The following ANXA7 variants were observed in gnomAD, a reference collection of about 807,000 sequenced individuals.
The protein encoded by ANXA7 is annexin VII.
ANXA7 carries 55 observed loss-of-function variants against 64.9 expected under a neutral mutation model. The ratio of observed to expected loss-of-function variants is 0.85; its 90% CI spans 0.68 to 1.06. The LOEUF (loss-of-function observed/expected upper bound fraction) is 1.06, where lower values mean the gene tolerates loss of function less well. Ranked by LOEUF, ANXA7 falls within the 50% of genes least tolerant of loss-of-function variation. ANXA7 has a pLI of 0.00. For synonymous variants in ANXA7, 200 were observed against 192.4 expected, an observed-to-expected ratio of 1.04 and a Z score of -0.33; for missense variants, 548 against 582.1, an observed-to-expected ratio of 0.94 and a Z score of 0.60.
At chr10:73,384,169 A>G (rs2055325201) in intron 7 of ANXA7, among the ~76,000 whole-genome samples, 1 of 152,106 alleles carries the variant, frequency 6.6e-6, no homozygotes, top group South Asian at 2.1e-4. Flanking sequence ...AATAAATTTA[A>G]AGTCTGTTAC....
chr10:73,402,216 T>A (rs1488620224), intron 1 of ANXA7, among the ~76,000 whole-genome samples: 1 of 152,126 alleles, frequency 6.6e-6, no homozygotes, highest in Non-Finnish European at 1.5e-5. Flanking sequence ...TGAGACAAGG[T>A]CTTGCTCTGT....
chr10:73,398,998 A>T (rs188420922), intron 2 of ANXA7, among the ~76,000 whole-genome samples: 3 of 152,164 alleles, frequency 2.0e-5, no homozygotes, highest in Non-Finnish European at 4.4e-5. Flanking sequence ...ACATGAATGA[A>T]TATCAGTAAA....
chr10:73,390,785 A>T lies in ANXA7; in HGVS notation c.436-2371T>A, dbSNP rs1362682894. ...ATTTCATATTTCATCTGTAGGGAAA[A>T]ATTTTTTTGATGTATTCTCTGCCGA... On this transcript the variant is annotated intron_variant, in intron 5 of 12. Coordinates refer to ENST00000372921, the MANE Select transcript of ANXA7 (RefSeq NM_001156.5). 2.7e-5 allele frequency among the ~76,000 whole-genome samples: 4 copies of T among 149,852 alleles called. No individual in the cohort carries two copies. The East Asian group carries it at 7.8e-4, about 29-fold the overall frequency.
At chr10:73,407,330 G>A (rs2055773294) in intron 1 of ANXA7, among the ~76,000 whole-genome samples, 1 of 152,148 alleles carries the variant, frequency 6.6e-6, no homozygotes, top group African/African-American at 2.4e-5. Context: ...GCCTGCCTCA[G>A]CCTCCCAAAG....
At chr10:73,382,401 G>C (rs2132656103) in intron 9 of ANXA7, among the ~76,000 whole-genome samples, 1 of 151,944 alleles carries the variant, frequency 6.6e-6, no homozygotes, top group Middle Eastern at 3.4e-3. Flanking sequence ...GGAATGCAGT[G>C]GTGCGATCAC....
chr10:73,389,975 G>A (rs956285317), intron 5 of ANXA7, among the ~76,000 whole-genome samples: 1 of 152,152 alleles, frequency 6.6e-6, no homozygotes, highest in Non-Finnish European at 1.5e-5. Flanking sequence ...GGGATGGGAT[G>A]AAGATGATGC....
At chr10:73,405,955 CTCT>C (rs372094941) in intron 1 of ANXA7, among the ~76,000 whole-genome samples, 1,951 of 150,658 alleles carry the variant, frequency 0.013, 40 homozygotes, top group African/African-American at 0.044. Context: ...CAGTATTTTT[CTCT>C]TCTTTTTTTT....
intron 1 of ANXA7, among the ~76,000 whole-genome samples, chr10:73,405,730 A>G (rs1220362620): frequency 2.0e-5 from 3 of 152,210 alleles, no homozygotes; most frequent in African/African-American, 7.2e-5. Flanking sequence ...AAAGTAGAAC[A>G]ATGTTATTTG....
chr10:73,390,267 G>A (rs554762441), intron 5 of ANXA7, among the ~76,000 whole-genome samples: 1 of 152,188 alleles, frequency 6.6e-6, no homozygotes, highest in East Asian at 1.9e-4. Flanking sequence ...GCATTTGTGG[G>A]GGCAAAGCAA....
chr10:73,383,749 C>G, intron 7 of ANXA7, 59 bp from the exon 8 acceptor site: 2 of 1,090,480 alleles, frequency 1.8e-6, no homozygotes. Context: ...TCACTTAAAT[C>G]TTTTAAGGAA....
At chr10:73,396,131 A>C (rs1039533855) in intron 5 of ANXA7, 2 of 1,509,588 alleles carry the variant, frequency 1.3e-6, no homozygotes, top group South Asian at 2.3e-5. Context: ...GTGAAAAGTT[A>C]TAAAGGTAAA....
intron 5 of ANXA7, among the ~76,000 whole-genome samples, chr10:73,390,721 A>ATATATAT (rs1564526498): frequency 3.7e-5 from 4 of 107,746 alleles, no homozygotes; most frequent in African/African-American, 1.6e-4. Context: ...TATATATATA[A>ATATATAT]AAATATATAT....
chr10:73,398,277 G>C lies in ANXA7; in HGVS notation c.163C>G (p.Pro55Ala). Reference sequence around the variant, plus strand: ...GGCGCAGGGTAGCCTCCAGCTCCTGGGTAGCCACTACTTGGCACTTGTGGG... The same window carrying C: ...GGCGCAGGGTAGCCTCCAGCTCCTGCGTAGCCACTACTTGGCACTTGTGGG... ...AYPQVPSSGY[P>A]GAGGYPAPGG... Residue 55 changes from proline to alanine, a missense_variant, in exon 3 of 13, where the codon CCA (proline) becomes GCA (alanine). Transcript: ENST00000372921. 1 of 1,613,470 alleles carries C rather than the reference G, an allele frequency of 6.2e-7. No individual in the cohort carries two copies. The highest frequency in any genetic ancestry group is 1.3e-5 in the African/African-American group (1 of 75,028).
intron 1 of ANXA7, among the ~76,000 whole-genome samples, chr10:73,408,712 C>T (rs1045936629): frequency 2.0e-5 from 3 of 152,090 alleles, no homozygotes; most frequent in Non-Finnish European, 2.9e-5. Flanking sequence ...AATTCCATTT[C>T]CAGGAATGTA....
intron 1 of ANXA7, among the ~76,000 whole-genome samples, chr10:73,412,126 T>C (rs1379033255): frequency 6.6e-6 from 1 of 152,166 alleles, no homozygotes; most frequent in African/African-American, 2.4e-5. Flanking sequence ...AACCTCCGCC[T>C]CCGGGGTTCA....
Position 73,378,891 on chromosome 10 carries a change from AAGAG to A in ANXA7, c.1278+16_1278+19del. ...TGAACATCAAGTAAGACCCGACAAA[AAGAG>A]AGAGGCCTGCCTCACCTCACTTCGA... On this transcript the variant is annotated intron_variant, in intron 12 of 12. Coordinates refer to ENST00000372921, the MANE Select transcript of ANXA7 (RefSeq NM_001156.5). 1 of 1,582,000 alleles carries A rather than the reference AAGAG, an allele frequency of 6.3e-7. No individual in the cohort carries two copies. The highest frequency in any genetic ancestry group is 8.7e-7 in the Non-Finnish European group (1 of 1,151,624).
chr10:73,378,776 A>T, intron 12 of ANXA7, 135 bp downstream of exon 12: 3 of 669,218 alleles, frequency 4.5e-6, no homozygotes, highest in Non-Finnish European at 5.2e-6. Flanking sequence ...TCTGTTCTTT[A>T]TACCACCTCT....
intron 1 of ANXA7, among the ~76,000 whole-genome samples, chr10:73,409,196 T>C (rs1235980399): frequency 6.6e-6 from 1 of 152,140 alleles, no homozygotes; most frequent in African/African-American, 2.4e-5. Context: ...CAATAAAGTG[T>C]ATCCAAATTG....
chr10:73,413,223 C>T (rs756130673), intron 1 of ANXA7, among the ~76,000 whole-genome samples: 18 of 152,166 alleles, frequency 1.2e-4, no homozygotes, highest in African/African-American at 2.2e-4. Flanking sequence ...TCTCTTTTAC[C>T]TATTCAGTGC....
Sources: allele counts gnomAD v4.1 joint callset (sites outside exome capture counted in the v4.1 genomes callset), GRCh38; gene constraint gnomAD v4.1.1; transcripts MANE v1.5; gene names NCBI Gene and HGNC (gene_info 2026-07-23, HGNC 2026-07-21).